FOXP2: variants seen among roughly 807,000 people sequenced by gnomAD.
FOXP2 encodes the protein forkhead box P2.
Under a neutral mutation model 115.8 loss-of-function variants are expected in FOXP2, and 12 were observed. The observed-to-expected ratio is 0.10, with a 90% confidence interval of 0.07 to 0.17. FOXP2 has a LOEUF of 0.17. FOXP2 is among the 10% of genes least tolerant of loss of function. The probability of loss-of-function intolerance (pLI) is 1.00; values close to 1 mark genes in which losing one functional copy is unlikely to be tolerated. For synonymous variants in FOXP2, 328 were observed against 297.7 expected, an observed-to-expected ratio of 1.10 and a Z score of -1.05; for missense variants, 629 against 843.5, an observed-to-expected ratio of 0.75 and a Z score of 3.15.
intron 1 of FOXP2, among the ~76,000 whole-genome samples, chr7:114,229,247 G>A (rs1794813969): frequency 6.6e-6 from 1 of 150,974 alleles, no homozygotes; most frequent in Non-Finnish European, 1.5e-5. Flanking sequence ...AATATCCAAT[G>A]TTAGAGCACC....
chr7:114,267,109 T>C (rs747354939), intron 1 of FOXP2, among the ~76,000 whole-genome samples: 13 of 152,166 alleles, frequency 8.5e-5, no homozygotes, highest in Non-Finnish European at 1.3e-4. Flanking sequence ...AAATTCTGCA[T>C]GCGCCAAATC....
In FOXP2 at chr7:114,165,406, C is replaced by T. The variant is rs1364777579; in HGVS notation, c.-102+2318C>T. ...CATATAATCAATAACAACATAAACT[C>T]CTGAAACTAATGAGTGATTAGTGTT... is the stretch of plus-strand genomic sequence containing the variant. On this transcript the variant is annotated intron_variant, in intron 1 of 17. Coordinates refer to the FOXP2 transcript ENST00000634411. Among the ~76,000 whole-genome samples, 7 of 152,190 alleles carry T rather than the reference C, an allele frequency of 4.6e-5. No homozygotes were observed. In the East Asian group the frequency reaches 1.4e-3, roughly 29 times the overall value.
intron 2 of FOXP2, among the ~76,000 whole-genome samples, chr7:114,488,459 T>C (rs1163840868): frequency 6.6e-6 from 1 of 152,154 alleles, no homozygotes; most frequent in African/African-American, 2.4e-5. Context: ...AATATAATGA[T>C]TTTTTATGTG....
At chr7:114,275,017 A>G (rs1027331914) in intron 1 of FOXP2, among the ~76,000 whole-genome samples, 1 of 152,054 alleles carries the variant, frequency 6.6e-6, no homozygotes, top group Non-Finnish European at 1.5e-5. Flanking sequence ...GGGAGAAATT[A>G]GATGTAATTC....
intron 3 of FOXP2, among the ~76,000 whole-genome samples, chr7:114,568,869 C>G (rs755232472): frequency 3.3e-5 from 5 of 151,762 alleles, no homozygotes; most frequent in Non-Finnish European, 7.4e-5. Context: ...GAGACTTATT[C>G]TTGTATCACC....
chr7:114,129,252 A>T (rs1488611986), intron 1 of FOXP2, among the ~76,000 whole-genome samples: 1 of 152,214 alleles, frequency 6.6e-6, no homozygotes. Context: ...CCAGAATGAA[A>T]TTCAAGGATT....
At chr7:114,199,314 T>G (rs1584540138) in intron 1 of FOXP2, among the ~76,000 whole-genome samples, 2 of 152,342 alleles carry the variant, frequency 1.3e-5, no homozygotes, top group South Asian at 2.1e-4. Context: ...TCCTTAATAT[T>G]TAGGGTCAAT....
At chr7:114,363,029 T>TA (rs1209884381) in intron 2 of FOXP2, among the ~76,000 whole-genome samples, 2 of 152,036 alleles carry the variant, frequency 1.3e-5, no homozygotes, top group Non-Finnish European at 2.9e-5. Flanking sequence ...CTATCTAATT[T>TA]AAGTATAATA....
chr7:114,319,103 C>T (rs1797344283), intron 2 of FOXP2, among the ~76,000 whole-genome samples: 1 of 129,914 alleles, frequency 7.7e-6, no homozygotes, highest in African/African-American at 2.9e-5. Flanking sequence ...CTTGCTTGGG[C>T]TACATTTTTA....
At chr7:114,610,622 G>A (rs1350174467) in intron 3 of FOXP2, among the ~76,000 whole-genome samples, 1 of 151,650 alleles carries the variant, frequency 6.6e-6, no homozygotes, top group African/African-American at 2.4e-5. Context: ...TGAACACCAG[G>A]TTCATTGAAG....
At chr7:114,634,071 T>C (rs1331819275) in intron 6 of FOXP2, among the ~76,000 whole-genome samples, 3 of 152,054 alleles carry the variant, frequency 2.0e-5, no homozygotes, top group Non-Finnish European at 4.4e-5. Flanking sequence ...CTTAGTTCAC[T>C]GCAACCTCCG....
At chr7:114,453,118 A>G (rs959031644) in intron 2 of FOXP2, among the ~76,000 whole-genome samples, 3 of 152,178 alleles carry the variant, frequency 2.0e-5, no homozygotes, top group African/African-American at 7.2e-5. Flanking sequence ...GGTAGAAAAC[A>G]CATCAGGGAT....
At chr7:114,677,163 C>T (rs374221058) in intron 16 of FOXP2, among the ~76,000 whole-genome samples, 2 of 118,352 alleles carry the variant, frequency 1.7e-5, no homozygotes, top group Middle Eastern at 4.1e-3. Flanking sequence ...AAGAATCCGT[C>T]TCAAAAAACA....
chr7:114,669,578 C>T lies in FOXP2; in HGVS notation c.2003+5142C>T, dbSNP rs981334021. ...AATATGAATTAAAAATGACTAGCTT[C>T]CTATTTTATATAGACATTTACCTCT... On this transcript the variant is annotated intron_variant, in intron 16 of 16. Coordinates refer to ENST00000350908, the MANE Select transcript of FOXP2 (RefSeq NM_014491.4). 11 of 152,038 alleles carry T rather than the reference C, an allele frequency of 7.2e-5. No homozygotes were observed. The East Asian group carries it at 2.1e-3, about 29-fold the overall frequency. The allele number at this position is 152,038 out of a possible 1,614,324, so 9.4% of individuals were successfully genotyped here. A position where few individuals can be genotyped will look rare whatever the true frequency, so the allele number is the denominator to read the frequency against.
chr7:114,191,420 C>T (rs542968746), intron 1 of FOXP2, among the ~76,000 whole-genome samples: 7 of 152,234 alleles, frequency 4.6e-5, no homozygotes, highest in Admixed American at 2.0e-4. Context: ...TGTTCTACAC[C>T]TCCCTGGAGT....
In FOXP2 at chr7:114,676,401, AAT is replaced by A. The variant is rs577351123; in HGVS notation, c.2003+11968_2003+11969del. ...GGCCTACACGTATTTCAGTATATTT[AAT>A]ATGTTTCTCAAAGTACTGTATGTGT... On this transcript the variant is annotated intron_variant, in intron 16 of 16. Coordinates refer to ENST00000350908, the MANE Select transcript of FOXP2 (RefSeq NM_014491.4). Among the ~76,000 whole-genome samples, 146 of 152,336 alleles carry A rather than the reference AAT, an allele frequency of 9.6e-4. 3 individuals carry two copies. In the Middle Eastern group the frequency reaches 0.02, roughly 21 times the overall value.
intron 1 of FOXP2, among the ~76,000 whole-genome samples, chr7:114,237,021 A>T (rs988397624): frequency 1.3e-5 from 2 of 152,092 alleles, no homozygotes; most frequent in African/African-American, 4.8e-5. Context: ...TAAGTGTCCA[A>T]CATTTTTCTC....
chr7:114,111,458 C>T (rs1025146346), intron 1 of FOXP2, among the ~76,000 whole-genome samples: 51 of 152,058 alleles, frequency 3.4e-4, no homozygotes, highest in African/African-American at 1.2e-3. Flanking sequence ...GCAGCTAACA[C>T]AGAATTGTGA....
chr7:114,103,641 A>G (rs1395584581), intron 1 of FOXP2, among the ~76,000 whole-genome samples: 1 of 151,996 alleles, frequency 6.6e-6, no homozygotes, highest in Non-Finnish European at 1.5e-5. Context: ...AATCCACAAT[A>G]CTCAGCTAGC....
Sources: allele counts gnomAD v4.1 joint callset (sites outside exome capture counted in the v4.1 genomes callset), GRCh38; gene constraint gnomAD v4.1.1; transcripts MANE v1.5; gene names NCBI Gene and HGNC (gene_info 2026-07-23, HGNC 2026-07-21).